PHF21A: variants seen among roughly 807,000 people sequenced by gnomAD.
PHF21A encodes BHC80a.
Under a neutral mutation model 82.5 loss-of-function variants are expected in PHF21A, and 11 were observed. The ratio of observed to expected loss-of-function variants is 0.13; its 90% CI spans 0.08 to 0.22. The LOEUF is 0.22. Among genes scored for constraint, PHF21A ranks in the 10% least tolerant of loss-of-function variants. The pLI, the probability that PHF21A is intolerant of heterozygous loss-of-function variation, is 1.00. For synonymous variants in PHF21A, 297 were observed against 302.8 expected (o/e 0.98, Z 0.20); for missense variants, 579 against 837.8 (o/e 0.69, Z 3.81).
intron 6 of PHF21A, chr11:46,027,223 C>A (rs942745671): frequency 6.6e-6 from 1 of 152,184 alleles, no homozygotes; most frequent in Non-Finnish European, 1.5e-5. Flanking sequence ...CTGATTTCTA[C>A]AAGTTTTCTC....
intron 10 of PHF21A, among the ~76,000 whole-genome samples, chr11:45,960,800 A>G (rs939107): frequency 0.33 from 50,325 of 152,060 alleles, 9,460 homozygotes; most frequent in East Asian, 0.8. Flanking sequence ...TGCAGACTCG[A>G]AATTGTCTTG....
At chr11:46,111,647 A>G (rs1463602502) in intron 1 of PHF21A, among the ~76,000 whole-genome samples, 1 of 152,200 alleles carries the variant, frequency 6.6e-6, no homozygotes, top group East Asian at 1.9e-4. Flanking sequence ...ATTCAAACTA[A>G]GACATATACA....
chr11:45,946,064 G>C, intron 14 of PHF21A, 61 bp from the exon 15 acceptor site: 1 of 1,614,130 alleles, frequency 6.2e-7, no homozygotes, highest in Non-Finnish European at 8.5e-7. Flanking sequence ...GGGGGAAAAT[G>C]ATCTTACATA....
chr11:46,095,826 A>T (rs749244012), intron 1 of PHF21A, among the ~76,000 whole-genome samples: 1 of 152,194 alleles, frequency 6.6e-6, no homozygotes, highest in African/African-American at 2.4e-5. Flanking sequence ...ACAAATTTCA[A>T]ATGATTAAGT....
At chr11:46,021,604 G>A (rs973526284) in intron 6 of PHF21A, among the ~76,000 whole-genome samples, 3 of 149,850 alleles carry the variant, frequency 2.0e-5, no homozygotes, top group Admixed American at 2.0e-4. Flanking sequence ...GAGTGCAGTG[G>A]CATGATCATA....
Position 45,945,872 on chromosome 11 carries a change from G to A in PHF21A, c.1420C>T (p.Pro474Ser). Residue 474 changes from proline to serine, a missense_variant, in exon 15 of 19, where the codon CCT becomes TCT. Pro to Ser is a moderately conservative substitution (Grantham distance 74). This residue lies in a region of PHF21A where 410 missense variants were observed against 642.1 expected (regional missense o/e 0.64). Coordinates refer to ENST00000676320, the MANE Select transcript of PHF21A (RefSeq NM_001352027.3). ...TTFTFPAPVQ[P>S]VSLPSPTSTD... ...GAGGTGGGGCTGGGCAGGGACACAG[G>A]CTGAACAGGTGCAGGGAAAGTGAAT... 1 of 1,604,902 alleles carries A rather than the reference G, an allele frequency of 6.2e-7. No individual in the cohort carries two copies.
At chr11:46,018,630 A>T (rs2095566165) in intron 6 of PHF21A, among the ~76,000 whole-genome samples, 1 of 152,230 alleles carries the variant, frequency 6.6e-6, no homozygotes, top group Non-Finnish European at 1.5e-5. Flanking sequence ...TATGGAAGAG[A>T]TTCCATACAG....
intron 6 of PHF21A, among the ~76,000 whole-genome samples, chr11:45,993,796 G>A (rs2094802145): frequency 1.3e-5 from 2 of 151,806 alleles, no homozygotes; most frequent in Admixed American, 6.6e-5. Flanking sequence ...GGAGCCAGTG[G>A]ATGCAGTGAT....
At chr11:46,120,138 C>G (rs1222615518) in intron 1 of PHF21A, among the ~76,000 whole-genome samples, 1 of 149,920 alleles carries the variant, frequency 6.7e-6, no homozygotes, top group African/African-American at 2.4e-5. Context: ...CTCACACTCA[C>G]ACACACACAA....
At chr11:46,079,288 C>G in intron 4 of PHF21A, 122 bp from the exon 5 acceptor site, 1 of 644,268 alleles carries the variant, frequency 1.6e-6, no homozygotes, top group Non-Finnish European at 2.8e-6. Flanking sequence ...ACACCACAAT[C>G]AGAACAGACT....
intron 7 of PHF21A, among the ~76,000 whole-genome samples, chr11:45,977,819 T>G (rs1399909447): frequency 6.6e-6 from 1 of 151,830 alleles, no homozygotes; most frequent in Non-Finnish European, 1.5e-5. Flanking sequence ...TTGGTATTGC[T>G]TTTTTCTTTT....
intron 14 of PHF21A, among the ~76,000 whole-genome samples, chr11:45,948,636 T>C (rs2091654563): frequency 6.6e-6 from 1 of 152,240 alleles, no homozygotes; most frequent in Non-Finnish European, 1.5e-5. Context: ...GGGGCAGAAA[T>C]GCTACATTAA....
At chr11:46,012,193 T>C (rs1038456020) in intron 6 of PHF21A, among the ~76,000 whole-genome samples, 1 of 152,220 alleles carries the variant, frequency 6.6e-6, no homozygotes, top group East Asian at 1.9e-4. Context: ...TGTGTGATCA[T>C]CTATCCATTT....
chr11:46,097,132 G>C (rs569478204), intron 1 of PHF21A, among the ~76,000 whole-genome samples: 1 of 151,926 alleles, frequency 6.6e-6, no homozygotes, highest in African/African-American at 2.4e-5. Flanking sequence ...CTAGATAATT[G>C]CAACAGCCTC....
intron 6 of PHF21A, among the ~76,000 whole-genome samples, chr11:46,048,811 A>C (rs2096298083): frequency 6.6e-6 from 1 of 151,962 alleles, no homozygotes; most frequent in Non-Finnish European, 1.5e-5. Context: ...GTATGCTTTC[A>C]TTTCTTTAGG....
chr11:45,980,991 A>G (rs960472492), intron 6 of PHF21A, among the ~76,000 whole-genome samples: 2 of 152,118 alleles, frequency 1.3e-5, no homozygotes, highest in Non-Finnish European at 1.5e-5. Context: ...TCCAAGAGAA[A>G]TGTGTTTCTG....
At position 46,014,928 on chromosome 11, in the gene PHF21A, C is replaced by T. The variant is rs1369667128; in HGVS notation, c.154-34962G>A. ...CCGGGAGGCGGAGCTTGCAGTGAGC[C>T]GAGATCCCGCCACTGCACTCCAGCC... is the stretch of plus-strand genomic sequence containing the variant. On this transcript the variant is annotated intron_variant, in intron 6 of 18. Coordinates refer to ENST00000676320, the MANE Select transcript of PHF21A (RefSeq NM_001352027.3). Among the ~76,000 whole-genome samples, 2 of 66,998 alleles carry T rather than the reference C, an allele frequency of 3.0e-5. 1 individual carries two copies. Among genetic ancestry groups the T allele is most frequent in the South Asian group, 8.5e-4 (2 of 2,366 alleles). 44.0% of individuals were successfully genotyped at this position (66,998 alleles called of 152,430 possible). A position where few individuals can be genotyped will look rare whatever the true frequency, so the allele number is the denominator to read the frequency against.
At chr11:46,005,407 T>C (rs1591853818) in intron 6 of PHF21A, among the ~76,000 whole-genome samples, 2 of 152,192 alleles carry the variant, frequency 1.3e-5, no homozygotes, top group South Asian at 2.1e-4. Context: ...ACGCCTTGTA[T>C]ATACCAAATA....
chr11:45,947,936 T>C (rs1045068492), intron 14 of PHF21A, among the ~76,000 whole-genome samples: 1 of 152,188 alleles, frequency 6.6e-6, no homozygotes, highest in Non-Finnish European at 1.5e-5. Context: ...AGGGTGGGTA[T>C]ATCTCTTTTG....
Sources: allele counts gnomAD v4.1 joint callset (sites outside exome capture counted in the v4.1 genomes callset), GRCh38; gene constraint gnomAD v4.1.1; regional missense constraint gnomAD v4.1.1; transcripts MANE v1.5; gene names NCBI Gene and HGNC (gene_info 2026-07-23, HGNC 2026-07-21).